CLDN20: variants seen among roughly 807,000 people sequenced by gnomAD.
CLDN20 encodes the protein claudin 20.
For synonymous variants in CLDN20, 104 were observed against 103.6 expected, an observed-to-expected ratio of 1.00 and a Z score of -0.03; for missense variants, 258 against 267.9, an observed-to-expected ratio of 0.96 and a Z score of 0.26.
At position 155,275,652 on chromosome 6, in the gene CLDN20, T is replaced by C. The variant is rs947295449; in HGVS notation, c.-68T>C. 3.4e-6 allele frequency: 5 copies of C among 1,449,840 alleles called. No homozygotes were observed. The highest frequency in any genetic ancestry group is 4.6e-5 in the East Asian group (2 of 43,882). 89.8% of individuals were successfully genotyped at this position (1,449,840 alleles called of 1,614,324 possible). A position where few individuals can be genotyped will look rare whatever the true frequency, so the allele number is the denominator to read the frequency against. The stretch of plus-strand genomic sequence containing the variant: ...TGGTTCTCTACTGCACAGAAATAGA[T>C]AGAATTCTGACAGCCATCATTGTTA... On this transcript the variant is annotated 5_prime_UTR_variant, in exon 2 of 2. An upstream open reading frame in the 5' UTR loses its in-frame stop. Coordinates refer to ENST00000367165, the MANE Select transcript of CLDN20 (RefSeq NM_001001346.3).
rs114084835 is a variant in CLDN20 at position 155,264,784 on chromosome 6, G to A, written c.-105+496G>A. Among the ~76,000 whole-genome samples, 3 of 152,278 alleles carry A rather than the reference G, an allele frequency of 2.0e-5. No homozygotes were observed. The South Asian group carries it at 6.2e-4, about 32-fold the overall frequency. On this transcript the variant is annotated intron_variant, in intron 1 of 1. Transcript: ENST00000367165. ...AAGAGAAATAAGACTAAGAAATGTG[G>A]TGAGGGGGATGAAGAGTTTTTTTAC...
At position 155,275,871 on chromosome 6, in the gene CLDN20, G is replaced by A. The variant is rs116971953; in HGVS notation, c.152G>A (p.Trp51Ter). The change falls in exon 2 of 2, where the codon TGG becomes TAG. Residue 51 changes from tryptophan to a stop codon, truncating the protein, a stop_gained. Coordinates refer to ENST00000367165, the MANE Select transcript of CLDN20 (RefSeq NM_001001346.3). LOFTEE classifies it low-confidence loss of function (END_TRUNC). ...ITAIVQLHGL[W>*]MDCTWYSTGM... ...GCCATTGTACAGCTGCACGGGCTCTGGATGGACTGTACGTGGTACAGCACT... is the reference window on the plus strand; with the variant it reads ...GCCATTGTACAGCTGCACGGGCTCTAGATGGACTGTACGTGGTACAGCACT... 2,432 of 1,614,132 alleles carry A rather than the reference G, an allele frequency of 1.5e-3. 32 individuals are homozygous for A. The highest frequency in any genetic ancestry group is 1.4e-3 in the East Asian group (61 of 44,864).
chr6:155,272,257 T>C (rs1234613318), intron 1 of CLDN20, among the ~76,000 whole-genome samples: 1 of 152,204 alleles, frequency 6.6e-6, no homozygotes, highest in Non-Finnish European at 1.5e-5. Context: ...TTCGGTATTA[T>C]TTAGTTCGAA....
intron 1 of CLDN20, among the ~76,000 whole-genome samples, chr6:155,275,334 C>T (rs1785133877): frequency 2.6e-5 from 4 of 152,204 alleles, no homozygotes; most frequent in Non-Finnish European, 5.9e-5. Flanking sequence ...CTCCTAACAA[C>T]GTACATGTCC....
intron 1 of CLDN20, among the ~76,000 whole-genome samples, chr6:155,274,418 A>G (rs73008652): frequency 0.079 from 11,980 of 152,326 alleles, 581 homozygotes; most frequent in Non-Finnish European, 0.099. Flanking sequence ...TCTTAAAAAT[A>G]AACAAAGAAA....
At chr6:155,269,363 C>A (rs1418330746) in intron 1 of CLDN20, among the ~76,000 whole-genome samples, 2 of 140,362 alleles carry the variant, frequency 1.4e-5, no homozygotes, top group East Asian at 2.2e-4. Context: ...GCTCTGTCAC[C>A]CAGGCTGGAG....
chr6:155,270,407 T>C (rs1024471725), intron 1 of CLDN20, among the ~76,000 whole-genome samples: 2 of 152,204 alleles, frequency 1.3e-5, no homozygotes, highest in East Asian at 1.9e-4. Flanking sequence ...AAGTGGATAG[T>C]AATGTTGATA....
At chr6:155,264,818 TTATGTAAATGTACA>T (rs1296532941) in intron 1 of CLDN20, among the ~76,000 whole-genome samples, 1 of 152,118 alleles carries the variant, frequency 6.6e-6, no homozygotes, top group Admixed American at 6.5e-5. Context: ...ACTGTGTAAA[TTATGTAAATGTACA>T]TATGTATGTA....
At chr6:155,269,604 G>A (rs1387773393) in intron 1 of CLDN20, among the ~76,000 whole-genome samples, 1 of 152,080 alleles carries the variant, frequency 6.6e-6, no homozygotes, top group Non-Finnish European at 1.5e-5. Flanking sequence ...TTACAGGTGT[G>A]AGCCACCACG....
rs769633418 is a variant in CLDN20 at position 155,276,044 on chromosome 6, G to A, written c.325G>A (p.Gly109Arg). The change falls in exon 2 of 2, where the codon GGG (glycine) becomes AGG (arginine). Residue 109 changes from glycine to arginine, a missense_variant. Physicochemically the swap from Gly to Arg is moderately radical, Grantham distance 125. Transcript: ENST00000367165. Reference sequence around the variant, plus strand: ...AGGAATGAAATGTACTCGCTTAGGAGGGGACAGAGAAACCAAGAGCCATGC... The same window carrying A: ...AGGAATGAAATGTACTCGCTTAGGAAGGGACAGAGAAACCAAGAGCCATGC... ...TVGMKCTRLG[G>R]DRETKSHASF... The A allele has an allele frequency of 5.6e-6, 9 of 1,614,046 alleles. No individual in the cohort carries two copies. Among genetic ancestry groups the A allele is most frequent in the South Asian group, 1.1e-5 (1 of 91,080 alleles).
At chr6:155,270,461 T>A (rs1300569876) in intron 1 of CLDN20, among the ~76,000 whole-genome samples, 1 of 152,210 alleles carries the variant, frequency 6.6e-6, no homozygotes, top group East Asian at 1.9e-4. Flanking sequence ...GCTCCTTTTT[T>A]ATATAAGAAA....
intron 1 of CLDN20, among the ~76,000 whole-genome samples, chr6:155,272,713 T>C (rs1006508963): frequency 2.6e-5 from 4 of 152,142 alleles, no homozygotes; most frequent in African/African-American, 4.8e-5. Context: ...ACATAAGTTC[T>C]CTATGCAGAA....
In CLDN20 at chr6:155,275,712, G is replaced by C. The variant is rs1190133666; in HGVS notation, c.-8G>C. The stretch of plus-strand genomic sequence containing the variant: ...ATTTTCTAAGAGGACAGACTTAACA[G>C]TAACATCATGGCCTCAGCAGGACTC... On this transcript the variant is annotated 5_prime_UTR_variant, in exon 2 of 2. Transcript: ENST00000367165. 1.2e-6 allele frequency: 2 copies of C among 1,607,814 alleles called. No homozygotes were observed. Among genetic ancestry groups the C allele is most frequent in the South Asian group, 2.2e-5 (2 of 90,152 alleles).
chr6:155,272,541 G>A (rs1029632660), intron 1 of CLDN20, among the ~76,000 whole-genome samples: 1 of 151,754 alleles, frequency 6.6e-6, no homozygotes, highest in African/African-American at 2.4e-5. Flanking sequence ...CACAGCTGCT[G>A]GAACAAAGTG....
At chr6:155,272,914 A>G (rs1784999808) in intron 1 of CLDN20, among the ~76,000 whole-genome samples, 1 of 152,206 alleles carries the variant, frequency 6.6e-6, no homozygotes, top group South Asian at 2.1e-4. Flanking sequence ...AATGGGAAGA[A>G]AAGGATTATA....
chr6:155,275,666 C>A lies in CLDN20; in HGVS notation c.-54C>A. 6.7e-6 allele frequency: 10 copies of A among 1,489,278 alleles called. No homozygotes were observed. Among genetic ancestry groups the A allele is most frequent in the Non-Finnish European group, 9.2e-6 (10 of 1,089,184 alleles). 92.3% of individuals were successfully genotyped at this position (1,489,278 alleles called of 1,614,324 possible). ...ACAGAAATAGATAGAATTCTGACAG[C>A]CATCATTGTTAAACATCAGGATTTT... is the stretch of plus-strand genomic sequence containing the variant. On this transcript the variant is annotated 5_prime_UTR_variant, in exon 2 of 2. Transcript: ENST00000367165.
At chr6:155,275,225 C>CA (rs1583329185) in intron 1 of CLDN20, among the ~76,000 whole-genome samples, 1 of 151,174 alleles carries the variant, frequency 6.6e-6, no homozygotes, top group African/African-American at 2.4e-5. Flanking sequence ...GACTCCATCT[C>CA]AAAAAAAATA....
intron 1 of CLDN20, among the ~76,000 whole-genome samples, chr6:155,272,126 C>T (rs1293440275): frequency 2.0e-5 from 3 of 152,048 alleles, no homozygotes; most frequent in Non-Finnish European, 2.9e-5. Flanking sequence ...TTTTCTTCAC[C>T]ATAACTAACT....
chr6:155,270,629 C>CTTT (rs1489031766), intron 1 of CLDN20, among the ~76,000 whole-genome samples: 19 of 152,118 alleles, frequency 1.2e-4, no homozygotes, highest in Admixed American at 1.2e-3. Context: ...ATTAAATGTA[C>CTTT]ATTAAAGCAT....
Sources: gnomAD v4.1 joint callset for allele counts (sites outside exome capture counted in the v4.1 genomes callset) on GRCh38, gnomAD v4.1.1 for gene constraint, MANE v1.5 for transcripts, NCBI Gene and HGNC (gene_info 2026-07-23, HGNC 2026-07-21) for gene names.